The following WSCD1 variants were observed in gnomAD, a reference collection of about 807,000 sequenced individuals.
WSCD1 encodes the protein WSC domain sialate O sulfotransferase 1.
In WSCD1, 41 loss-of-function variants were observed where a neutral mutation model predicts 60.4. The ratio of observed to expected loss-of-function variants is 0.68; its 90% confidence interval spans 0.53 to 0.88. WSCD1 has a LOEUF of 0.88. Ranked by LOEUF, WSCD1 falls within the 40% of genes least tolerant of loss-of-function variation. The probability of loss-of-function intolerance (pLI) is 0.00; values close to 1 mark genes in which losing one functional copy is unlikely to be tolerated. For missense variants in WSCD1, 784 were observed against 796.2 expected, an observed-to-expected ratio of 0.98 and a Z score of 0.18; for synonymous variants, 361 against 332.5, an observed-to-expected ratio of 1.09 and a Z score of -0.93.
intron 1 of WSCD1, among the ~76,000 whole-genome samples, chr17:6,073,616 C>T (rs1032007181): frequency 2.1e-4 from 32 of 152,270 alleles, no homozygotes; most frequent in Non-Finnish European, 2.1e-4. Flanking sequence ...GGCGACAGAG[C>T]GAGACTCCTT....
At chr17:6,090,300 A>G (rs1484466255) in intron 3 of WSCD1, 21 bp from the exon 4 acceptor site, 6 of 1,562,938 alleles carry the variant, frequency 3.8e-6, no homozygotes, top group Non-Finnish European at 5.2e-6. Context: ...GTCCGGACTC[A>G]CCCAGGCCTC....
At chr17:6,077,232 G>A (rs573759778) in intron 1 of WSCD1, among the ~76,000 whole-genome samples, 8 of 152,008 alleles carry the variant, frequency 5.3e-5, no homozygotes, top group African/African-American at 1.7e-4. Flanking sequence ...GGGATTACAG[G>A]TGCATGCCAC....
intron 1 of WSCD1, among the ~76,000 whole-genome samples, chr17:6,078,579 T>TGC (rs1266125146): frequency 6.6e-6 from 1 of 151,948 alleles, no homozygotes; most frequent in Non-Finnish European, 1.5e-5. Context: ...TGTGTGTGTG[T>TGC]GCGTGTGTGT....
In WSCD1 at chr17:6,121,067, C is replaced by G. The variant is rs980984381; in HGVS notation, c.*406C>G. 3 of 199,792 alleles carry G rather than the reference C, an allele frequency of 1.5e-5. No individual in the cohort carries two copies. Among genetic ancestry groups the G allele is most frequent in the African/African-American group, 4.7e-5 (2 of 42,896 alleles). 12.4% of individuals were successfully genotyped at this position (199,792 alleles called of 1,614,324 possible). A position where few individuals can be genotyped will look rare whatever the true frequency, so the allele number is the denominator to read the frequency against. On this transcript the variant is annotated 3_prime_UTR_variant, in exon 9 of 9. Transcript: ENST00000317744. Reference sequence around the variant, plus strand: ...CTCTCACACAGATACACGTGCGCTCCCTGGGATCCGGGAGGCCCTGGGCTT... The same window carrying G: ...CTCTCACACAGATACACGTGCGCTCGCTGGGATCCGGGAGGCCCTGGGCTT...
In WSCD1 at chr17:6,110,728, A is replaced by C. The variant is rs369159232; in HGVS notation, c.1010-43A>C. 9.8e-5 allele frequency: 155 copies of C among 1,576,116 alleles called. No individual in the cohort carries two copies. The highest frequency in any genetic ancestry group is 2.5e-4 in the East Asian group (11 of 44,186). On this transcript the variant is annotated intron_variant, in intron 6 of 8. Transcript: ENST00000317744. This position sits in a 1 kb window ranked among gnomAD's most constrained non-coding sequence, Gnocchi z 4.8. ...GAGTTTAGTGGTGAATTGGTGAGTC[A>C]TAATGGAAGTGAGTAACCCCGTGAT... is the stretch of plus-strand genomic sequence containing the variant.
Position 6,080,534 on chromosome 17 carries a change from C to A in WSCD1, c.-125C>A. 1 of 989,492 alleles carries A rather than the reference C, an allele frequency of 1.0e-6. No individual in the cohort carries two copies. Among genetic ancestry groups the A allele is most frequent in the Non-Finnish European group, 1.5e-6 (1 of 660,266 alleles). 61.3% of individuals were successfully genotyped at this position (989,492 alleles called of 1,614,324 possible). ...GGCAGGAACAGTGAGTGACCCCAGG[C>A]GAGCACAGGCAGGTGCCAGGAGCCA... is the stretch of plus-strand genomic sequence containing the variant. On this transcript the variant is annotated 5_prime_UTR_variant, in exon 2 of 9. Coordinates refer to ENST00000317744, the MANE Select transcript of WSCD1 (RefSeq NM_015253.2). The surrounding 1 kb of genome is among the most constrained non-coding windows in gnomAD (Gnocchi z 6.6).
Position 6,120,771 on chromosome 17 carries a change from G to T in WSCD1, c.*110G>T, listed in dbSNP as rs183774338. ...GGCCTCACTGGGACGAACGGTGGGT[G>T]GGGGGCTCACCCTGGTGCTGCCTCC... On this transcript the variant is annotated 3_prime_UTR_variant, in exon 9 of 9. Coordinates refer to ENST00000317744, the MANE Select transcript of WSCD1 (RefSeq NM_015253.2). The T allele has an allele frequency of 5.2e-4, 625 of 1,191,194 alleles. 6 individuals carry two copies. Among genetic ancestry groups the T allele is most frequent in the African/African-American group, 5.1e-3 (329 of 65,102 alleles). The allele number at this position is 1,191,194 out of a possible 1,614,324, so 73.8% of individuals were successfully genotyped here. A position where few individuals can be genotyped will look rare whatever the true frequency, so the allele number is the denominator to read the frequency against.
At chr17:6,115,452 T>C (rs1321314228) in intron 7 of WSCD1, among the ~76,000 whole-genome samples, 3 of 152,260 alleles carry the variant, frequency 2.0e-5, no homozygotes, top group African/African-American at 7.2e-5. Context: ...GTTAAATGGC[T>C]GAAGACTGTG....
At chr17:6,072,994 C>T (rs928839652) in intron 1 of WSCD1, among the ~76,000 whole-genome samples, 1 of 152,206 alleles carries the variant, frequency 6.6e-6, no homozygotes. Context: ...CTTCACTTCG[C>T]TTCCCTTCCT....
At chr17:6,071,642 G>A (rs1908551016) in intron 1 of WSCD1, among the ~76,000 whole-genome samples, 1 of 152,214 alleles carries the variant, frequency 6.6e-6, no homozygotes, top group Non-Finnish European at 1.5e-5. Flanking sequence ...CAGGAGTGGG[G>A]GCCTTTCTTT....
chr17:6,090,561 G>T (rs1442030829), intron 4 of WSCD1, 56 bp downstream of exon 4: 2 of 1,583,626 alleles, frequency 1.3e-6, no homozygotes, highest in Non-Finnish European at 1.7e-6. Flanking sequence ...CGCTCTGGCT[G>T]CCCATCCCCC....
At chr17:6,091,608 G>A (rs1300764882) in intron 4 of WSCD1, among the ~76,000 whole-genome samples, 3 of 152,220 alleles carry the variant, frequency 2.0e-5, no homozygotes, top group Admixed American at 6.5e-5. Context: ...AATCACAGAA[G>A]GCTCCTTTGT....
chr17:6,118,341 G>T lies in WSCD1; in HGVS notation c.1375+153G>T. Among the ~76,000 whole-genome samples the T allele has an allele frequency of 6.6e-6, 1 of 152,164 alleles. No individual in the cohort carries two copies. The highest frequency in any genetic ancestry group is 1.5e-5 in the Non-Finnish European group (1 of 68,028). ...CAAACCCCATCCTGCTAGGGACTTA[G>T]TGCTGCTGTGCCTGGGCTTGAGTTC... On this transcript the variant is annotated intron_variant, in intron 8 of 8. Coordinates refer to ENST00000317744, the MANE Select transcript of WSCD1 (RefSeq NM_015253.2). This position sits in a 1 kb window ranked among gnomAD's most constrained non-coding sequence, Gnocchi z 5.8.
At chr17:6,108,015 GCTTTC>G (rs1363485642) in intron 5 of WSCD1, among the ~76,000 whole-genome samples, 1 of 152,116 alleles carries the variant, frequency 6.6e-6, no homozygotes, top group African/African-American at 2.4e-5. Context: ...GTCGGGAGAG[GCTTTC>G]CTTGGGGGCT....
In WSCD1 at chr17:6,121,065, T is replaced by G; in HGVS notation, c.*404T>G. ...CTCTCTCACACAGATACACGTGCGC[T>G]CCCTGGGATCCGGGAGGCCCTGGGC... is the stretch of plus-strand genomic sequence containing the variant. On this transcript the variant is annotated 3_prime_UTR_variant, in exon 9 of 9. Coordinates refer to ENST00000317744, the MANE Select transcript of WSCD1 (RefSeq NM_015253.2). 1 of 199,346 alleles carries G rather than the reference T, an allele frequency of 5.0e-6. No homozygotes were observed. The highest frequency in any genetic ancestry group is 1.0e-5 in the Non-Finnish European group (1 of 98,070). The allele number at this position is 199,346 out of a possible 1,614,324, so 12.3% of individuals were successfully genotyped here.
rs911342447 is a variant in WSCD1 at position 6,118,522 on chromosome 17, T to C, written c.1375+334T>C. 3.3e-5 allele frequency among the ~76,000 whole-genome samples: 5 copies of C among 152,216 alleles called. No homozygotes were observed. The highest frequency in any genetic ancestry group is 5.9e-5 in the Non-Finnish European group (4 of 68,028). ...ATCTCTGCTTCTGCCCAGGAGCTCA[T>C]GCAGGGCTGGGAGAAGAGCACATGG... On this transcript the variant is annotated intron_variant, in intron 8 of 8. Transcript: ENST00000317744. The surrounding 1 kb of genome is among the most constrained non-coding windows in gnomAD (Gnocchi z 5.8).
At chr17:6,090,614 C>T in intron 4 of WSCD1, 109 bp downstream of exon 4, 4 of 1,406,182 alleles carry the variant, frequency 2.8e-6, no homozygotes, top group Non-Finnish European at 3.8e-6. Context: ...CCTGTGCCAA[C>T]CTCTGCCCTC....
intron 5 of WSCD1, among the ~76,000 whole-genome samples, chr17:6,097,484 G>C (rs1403455572): frequency 6.6e-6 from 1 of 152,140 alleles, no homozygotes; most frequent in Non-Finnish European, 1.5e-5. Context: ...AGCTGCACCC[G>C]CCCTTCTGCA....
chr17:6,077,198 C>T (rs1372489181), intron 1 of WSCD1, among the ~76,000 whole-genome samples: 1 of 151,460 alleles, frequency 6.6e-6, no homozygotes, highest in African/African-American at 2.4e-5. Flanking sequence ...AAGCATTTCT[C>T]CTGCCTCAGC....
Sources: allele counts gnomAD v4.1 joint callset (sites outside exome capture counted in the v4.1 genomes callset), GRCh38; gene constraint gnomAD v4.1.1; non-coding constraint Gnocchi (gnomAD v3.1); transcripts MANE v1.5; gene names NCBI Gene and HGNC (gene_info 2026-07-23, HGNC 2026-07-21).